Variants in HSPA4 observed in about 807,000 individuals in gnomAD.
HSPA4 encodes heat shock protein family A (Hsp70) member 4.
In HSPA4, 25 loss-of-function variants were observed where a neutral mutation model predicts 106.2. That is an observed-to-expected ratio of 0.24 (90% confidence interval 0.17 to 0.33). The LOEUF (loss-of-function observed/expected upper bound fraction) is 0.33. HSPA4 is among the 10% of genes least tolerant of loss of function. The pLI, the probability that HSPA4 is intolerant of heterozygous loss-of-function variation, is 1.00. For synonymous variants in HSPA4, 332 were observed against 333.6 expected (o/e 1.00, Z 0.05); for missense variants, 841 against 996.0 (o/e 0.84, Z 2.10).
At chr5:133,069,181 AT>A (rs1233976716) in intron 3 of HSPA4, among the ~76,000 whole-genome samples, 1 of 152,056 alleles carries the variant, frequency 6.6e-6, no homozygotes. Flanking sequence ...CGTAACTGTT[AT>A]CACATTTGCA....
chr5:133,093,500 T>C (rs1349715051), intron 13 of HSPA4, among the ~76,000 whole-genome samples: 1 of 152,156 alleles, frequency 6.6e-6, no homozygotes, highest in African/African-American at 2.4e-5. Flanking sequence ...TTAATCTTTT[T>C]ATTTTTTTGA....
intron 16 of HSPA4, among the ~76,000 whole-genome samples, 153 bp downstream of exon 16, chr5:133,099,805 TCTCA>T (rs970418624): frequency 6.6e-6 from 1 of 152,206 alleles, no homozygotes; most frequent in Non-Finnish European, 1.5e-5. Flanking sequence ...TCATTATCAT[TCTCA>T]CTTTTAGAAC....
rs7729977 is a variant in HSPA4, at chr5:133,080,569, G to C, written c.908+3671G>C. ...TTTAAGTTTAATTAAAATTTCTTAA[G>C]TTTTCTTGAATTATGTTTTCTAGTA... is the stretch of plus-strand genomic sequence containing the variant. On this transcript the variant is annotated intron_variant, in intron 7 of 18. Coordinates refer to ENST00000304858, the MANE Select transcript of HSPA4 (RefSeq NM_002154.4). Among the ~76,000 whole-genome samples the C allele has an allele frequency of 9.8e-3, 1,479 of 151,386 alleles. 29 individuals carry two copies. The highest frequency in any genetic ancestry group is 0.034 in the African/African-American group (1,422 of 41,270).
intron 3 of HSPA4, among the ~76,000 whole-genome samples, chr5:133,069,148 G>T (rs531095678): frequency 9.1e-4 from 138 of 152,248 alleles, no homozygotes; most frequent in African/African-American, 3.3e-3. Flanking sequence ...ATTGTTTTAG[G>T]CAGTCCTTCA....
At position 133,052,221 on chromosome 5, in the gene HSPA4, CG is replaced by C; in HGVS notation, c.-27del. The stretch of plus-strand genomic sequence containing the variant: ...CGTGTCCTGTCTCGGTGGCCGGACC[CG>C]GGCCCGAGCCCGAGCAGTAGCCGGC... On this transcript the variant is annotated 5_prime_UTR_variant, in exon 1 of 19. Coordinates refer to ENST00000304858, the MANE Select transcript of HSPA4 (RefSeq NM_002154.4). The C allele has an allele frequency of 4.0e-6, 6 of 1,504,136 alleles. No homozygotes were observed. The highest frequency in any genetic ancestry group is 5.4e-6 in the Non-Finnish European group (6 of 1,110,778). The allele number at this position is 1,504,136 out of a possible 1,614,324, so 93.2% of individuals were successfully genotyped here. A position where few individuals can be genotyped will look rare whatever the true frequency, so the allele number is the denominator to read the frequency against.
In HSPA4 at chr5:133,104,476, C is replaced by T. The variant is rs750839090; in HGVS notation, c.*40C>T. The T allele has an allele frequency of 5.8e-6, 9 of 1,550,276 alleles. No individual in the cohort carries two copies. In the South Asian group the frequency reaches 1.0e-4, roughly 18 times the overall value. The stretch of plus-strand genomic sequence containing the variant: ...TCTATTAAAACAGACTATTATAAAG[C>T]TTTAAGTTGTCAACTTTGTTCTAAA... On this transcript the variant is annotated 3_prime_UTR_variant, in exon 19 of 19. Transcript: ENST00000304858.
At chr5:133,085,688 C>G (rs1765570567) in intron 7 of HSPA4, among the ~76,000 whole-genome samples, 1 of 150,680 alleles carries the variant, frequency 6.6e-6, no homozygotes, top group African/African-American at 2.4e-5. Context: ...CCCCGCCCCC[C>G]AAAAAAAACT....
intron 8 of HSPA4, among the ~76,000 whole-genome samples, chr5:133,087,148 T>TA (rs2126709768): frequency 6.6e-6 from 1 of 152,308 alleles, no homozygotes; most frequent in African/African-American, 2.4e-5. Flanking sequence ...GCGATGCTGA[T>TA]ATGGTAGTCT....
intron 7 of HSPA4, among the ~76,000 whole-genome samples, chr5:133,085,275 AT>A (rs1375622777): frequency 6.6e-6 from 1 of 152,084 alleles, no homozygotes; most frequent in Non-Finnish European, 1.5e-5. Flanking sequence ...GGAACCTTAA[AT>A]GCATATTGCC....
chr5:133,074,177 A>C (rs1765419373), intron 6 of HSPA4, 51 bp downstream of exon 6: 8 of 1,231,594 alleles, frequency 6.5e-6, no homozygotes, highest in Non-Finnish European at 9.1e-6. Flanking sequence ...GGTAATTATG[A>C]AATTTTGAGA....
chr5:133,083,104 C>T (rs1400370883), intron 7 of HSPA4, among the ~76,000 whole-genome samples: 6 of 146,884 alleles, frequency 4.1e-5, no homozygotes, highest in Admixed American at 2.1e-4. Flanking sequence ...CACTGCACTC[C>T]AGCCTGGATG....
At chr5:133,095,263 T>C (rs886765387) in intron 13 of HSPA4, among the ~76,000 whole-genome samples, 3 of 152,106 alleles carry the variant, frequency 2.0e-5, no homozygotes, top group Admixed American at 6.5e-5. Context: ...GATTGTGCCA[T>C]TGCACTCCAG....
intron 7 of HSPA4, among the ~76,000 whole-genome samples, chr5:133,079,264 T>C (rs1250972356): frequency 6.6e-6 from 1 of 152,212 alleles, no homozygotes; most frequent in African/African-American, 2.4e-5. Context: ...CACCCCAGAA[T>C]AAAACTTCAT....
chr5:133,055,307 ATTTTTTTTTTTTT>A (rs397999293), intron 1 of HSPA4, among the ~76,000 whole-genome samples: 31 of 60,106 alleles, frequency 5.2e-4, no homozygotes, highest in South Asian at 2.8e-3. Flanking sequence ...AGGAAGGTTG[ATTTTTTTTTTTTT>A]TTTTTTTTTT....
chr5:133,052,796 G>A (rs1765098577), intron 1 of HSPA4: 1 of 154,754 alleles, frequency 6.5e-6, no homozygotes, highest in Non-Finnish European at 1.4e-5. Context: ...AACGGGTTCT[G>A]GGGCTTGCCA....
In HSPA4 at chr5:133,078,877, G is replaced by C. The variant is rs1250427746; in HGVS notation, c.908+1979G>C. On this transcript the variant is annotated intron_variant, in intron 7 of 18. Transcript: ENST00000304858. The stretch of plus-strand genomic sequence containing the variant: ...GTCTCCTGAGTAGCTGGGACTACAG[G>C]CACGTGCCACCACGCCTGGCTAATT... Among the ~76,000 whole-genome samples the C allele has an allele frequency of 3.3e-5, 5 of 151,830 alleles. No individual in the cohort carries two copies. In the East Asian group the frequency reaches 9.7e-4, roughly 30 times the overall value.
In HSPA4 at chr5:133,052,107, G is replaced by C. The variant is rs888405817; in HGVS notation, c.-144G>C. The C allele has an allele frequency of 3.3e-6, 2 of 605,764 alleles. No individual in the cohort carries two copies. The highest frequency in any genetic ancestry group is 3.8e-5 in the South Asian group (2 of 52,746). The allele number at this position is 605,764 out of a possible 1,614,324, so 37.5% of individuals were successfully genotyped here. A position where few individuals can be genotyped will look rare whatever the true frequency, so the allele number is the denominator to read the frequency against. On this transcript the variant is annotated 5_prime_UTR_variant, in exon 1 of 19. Transcript: ENST00000304858. ...CTCTCGGTTGCAGTACCCACTGGAA[G>C]GACTTAGGCGCTCGCGTGGACACCG...
chr5:133,063,100 C>CT (rs149579524), intron 1 of HSPA4, among the ~76,000 whole-genome samples: 80 of 149,816 alleles, frequency 5.3e-4, no homozygotes, highest in South Asian at 1.9e-3. Context: ...TATTTACTAT[C>CT]TTTTTTTTTT....
At chr5:133,082,435 T>C (rs1169942250) in intron 7 of HSPA4, among the ~76,000 whole-genome samples, 1 of 152,194 alleles carries the variant, frequency 6.6e-6, no homozygotes, top group Non-Finnish European at 1.5e-5. Context: ...AAGTCAATAA[T>C]TACATACTTT....
Sources: gnomAD v4.1 joint callset for allele counts (sites outside exome capture counted in the v4.1 genomes callset) on GRCh38, gnomAD v4.1.1 for gene constraint, MANE v1.5 for transcripts, NCBI Gene and HGNC (gene_info 2026-07-23, HGNC 2026-07-21) for gene names.